Variants in RP1 observed in about 807,000 individuals in gnomAD.
RP1 encodes oxygen-regulated protein 1.
Under a neutral mutation model 14.8 loss-of-function variants are expected in RP1, and 16 were observed. The ratio of observed to expected loss-of-function variants is 1.08; its 90% CI spans 0.73 to 1.65. The LOEUF is 1.65. Among genes scored for constraint, RP1 ranks in the 40% most tolerant of loss-of-function variants. The pLI is 0.00. For missense variants in RP1, 2,631 were observed against 2,535.0 expected (o/e 1.04, Z -0.81); for synonymous variants, 876 against 883.6 (o/e 0.99, Z 0.15).
chr8:54,611,970 G>A (rs1027348592), upstream of RP1, among the ~76,000 whole-genome samples: 1 of 146,116 alleles, frequency 6.8e-6, no homozygotes, highest in Non-Finnish European at 1.5e-5. Flanking sequence ...TCTTTGCCAA[G>A]GATCAGCCTG....
At chr8:54,601,025 G>C (rs1805270050) in intron 1 of RP1, among the ~76,000 whole-genome samples, 1 of 152,128 alleles carries the variant, frequency 6.6e-6, no homozygotes, top group Non-Finnish European at 1.5e-5. Flanking sequence ...TTAGTGAGAG[G>C]AATAGGGAGA....
chr8:54,736,068 A>C (rs1284647270), intron 18 of RP1, among the ~76,000 whole-genome samples: 1 of 152,146 alleles, frequency 6.6e-6, no homozygotes. Context: ...ATGTTCCCCA[A>C]GTGATTCTAA....
intron 14 of RP1, among the ~76,000 whole-genome samples, chr8:54,704,309 T>C (rs186082743): frequency 6.6e-6 from 1 of 152,290 alleles, no homozygotes; most frequent in African/African-American, 2.4e-5. Context: ...TTCAATATTG[T>C]TGTGTCTGAG....
At chr8:54,764,487 C>A (rs768674035) in intron 22 of RP1, among the ~76,000 whole-genome samples, 13 of 152,218 alleles carry the variant, frequency 8.5e-5, no homozygotes, top group Non-Finnish European at 1.6e-4. Flanking sequence ...TTGGGAAACT[C>A]ATTTTCCTGT....
At chr8:54,777,444 T>C (rs568557597) in intron 23 of RP1, among the ~76,000 whole-genome samples, 1 of 152,350 alleles carries the variant, frequency 6.6e-6, no homozygotes, top group Admixed American at 6.5e-5. Flanking sequence ...TGTTTGATGG[T>C]TGTTTTCTGG....
intron 19 of RP1, among the ~76,000 whole-genome samples, chr8:54,747,275 C>G (rs1015468123): frequency 6.6e-6 from 1 of 152,204 alleles, no homozygotes; most frequent in Non-Finnish European, 1.5e-5. Context: ...CTGCCCACCT[C>G]TTTCTCGTCC....
downstream of RP1, among the ~76,000 whole-genome samples, chr8:54,771,220 C>T (rs887330456): frequency 6.6e-6 from 1 of 152,032 alleles, no homozygotes; most frequent in Middle Eastern, 3.4e-3. Flanking sequence ...ACTAATGTTC[C>T]AGAATTTCTT....
chr8:54,730,851 A>G (rs922838586), intron 17 of RP1, among the ~76,000 whole-genome samples: 7 of 152,110 alleles, frequency 4.6e-5, no homozygotes, highest in African/African-American at 1.7e-4. Context: ...ATTTTGTAGA[A>G]ATAGATTTCA....
chr8:54,622,713 C>T (rs1805915655), intron 3 of RP1, among the ~76,000 whole-genome samples: 1 of 152,200 alleles, frequency 6.6e-6, no homozygotes, highest in Non-Finnish European at 1.5e-5. Flanking sequence ...ACGCTATGTG[C>T]TCTGCCTTCT....
chr8:54,848,242 G>A (rs1811976711), intron 25 of RP1, among the ~76,000 whole-genome samples: 1 of 152,134 alleles, frequency 6.6e-6, no homozygotes, highest in Non-Finnish European at 1.5e-5. Context: ...AGGAGTCTCT[G>A]GCAATTTCCA....
Position 54,672,056 on chromosome 8 carries a change from T to G in RP1, c.1324-1794T>G, listed in dbSNP as rs560560457. Among the ~76,000 whole-genome samples the G allele has an allele frequency of 9.7e-4, 147 of 152,284 alleles. 1 individual carries two copies. Among genetic ancestry groups the G allele is most frequent in the South Asian group, 1.9e-3 (9 of 4,824 alleles). On this transcript the variant is annotated intron_variant, in intron 7 of 22. Coordinates refer to the RP1 transcript ENST00000636932. ...ACAATGTGTCTTCCCTGGGCTTATA[T>G]ATTTGATTTTAAGTATCTTAATTTC...
At chr8:54,730,240 G>A (rs547048083) in intron 17 of RP1, among the ~76,000 whole-genome samples, 2 of 152,036 alleles carry the variant, frequency 1.3e-5, no homozygotes, top group East Asian at 3.9e-4. Flanking sequence ...AACAACCATT[G>A]TTGTTTTTTC....
chr8:54,745,965 A>T (rs1809214934), intron 19 of RP1, among the ~76,000 whole-genome samples: 1 of 152,216 alleles, frequency 6.6e-6, no homozygotes, highest in South Asian at 2.1e-4. Context: ...CTGAAAGCCA[A>T]AAGAAAATAC....
chr8:54,578,700 A>G (rs987010574), intron 1 of RP1, among the ~76,000 whole-genome samples: 3 of 152,208 alleles, frequency 2.0e-5, no homozygotes, highest in Non-Finnish European at 4.4e-5. Flanking sequence ...TGTGTACATA[A>G]AATAAGCTGC....
intron 3 of RP1, among the ~76,000 whole-genome samples, chr8:54,640,802 A>G (rs766116110): frequency 8.5e-5 from 13 of 152,142 alleles, no homozygotes; most frequent in Non-Finnish European, 1.8e-4. Context: ...TATACTACTT[A>G]GAAGTTACTT....
intron 18 of RP1, among the ~76,000 whole-genome samples, chr8:54,738,731 C>A (rs1045954152): frequency 6.6e-6 from 1 of 152,032 alleles, no homozygotes. Context: ...TATTTTTAGT[C>A]AAGTCTCATG....
intron 24 of RP1, among the ~76,000 whole-genome samples, chr8:54,816,207 A>C (rs1315893087): frequency 6.6e-6 from 1 of 152,230 alleles, no homozygotes; most frequent in Non-Finnish European, 1.5e-5. Context: ...GATTTCTTTG[A>C]TGAACTAGAA....
chr8:54,570,035 C>T lies in RP1; in HGVS notation c.-13+10715C>T, dbSNP rs183882735. The stretch of plus-strand genomic sequence containing the variant: ...TTGTCATGGGTGTTGGGTGGGGACA[C>T]GGGAAGCTACATCACGAGCCCTGTC... On this transcript the variant is annotated intron_variant, in intron 1 of 22. Transcript: ENST00000636932. 4.3e-3 allele frequency among the ~76,000 whole-genome samples: 648 copies of T among 152,262 alleles called. 19 individuals carry two copies. Among genetic ancestry groups the T allele is most frequent in the Admixed American group, 0.036 (546 of 15,298 alleles).
intron 24 of RP1, among the ~76,000 whole-genome samples, chr8:54,818,648 T>C (rs890009489): frequency 2.6e-5 from 4 of 152,210 alleles, no homozygotes; most frequent in South Asian, 2.1e-4. Context: ...TGTCAGAGTG[T>C]CCTTGCCTTA....
Sources: gnomAD v4.1 joint callset for allele counts (sites outside exome capture counted in the v4.1 genomes callset) on GRCh38, gnomAD v4.1.1 for gene constraint, MANE v1.5 for transcripts, NCBI Gene and HGNC (gene_info 2026-07-23, HGNC 2026-07-21) for gene names.